INTS4: variants seen among roughly 807,000 people sequenced by gnomAD.
INTS4 encodes MSTP093.
INTS4 carries 70 observed loss-of-function variants against 119.5 expected under a neutral mutation model. That is an observed-to-expected ratio of 0.59 (90% CI 0.48 to 0.71). The LOEUF (loss-of-function observed/expected upper bound fraction) is 0.71, where lower values mean the gene tolerates loss of function less well. Among genes scored for constraint, INTS4 ranks in the 30% least tolerant of loss-of-function variants. The pLI is 0.00. For missense variants in INTS4, 867 were observed against 1,173.2 expected, an observed-to-expected ratio of 0.74 and a Z score of 3.81; for synonymous variants, 316 against 419.6, an observed-to-expected ratio of 0.75 and a Z score of 3.02.
rs909812131 is a variant in INTS4 at position 77,878,928 on chromosome 11, G to C, written c.*21C>G. The C allele has an allele frequency of 1.9e-6, 3 of 1,604,692 alleles. No individual in the cohort carries two copies. Among genetic ancestry groups the C allele is most frequent in the Non-Finnish European group, 2.6e-6 (3 of 1,171,800 alleles). ...CCTAAGAAGGGCCCTCTAGGCCACGGTTGGGAAGACTGTTTTTGCCTTAGC... is the reference window on the plus strand; with the variant it reads ...CCTAAGAAGGGCCCTCTAGGCCACGCTTGGGAAGACTGTTTTTGCCTTAGC... On this transcript the variant is annotated 3_prime_UTR_variant, in exon 23 of 23. Transcript: ENST00000534064.
rs1261756125 is a variant in INTS4 at position 77,901,411 on chromosome 11, C to A, written c.2228+10G>T. On this transcript the variant is annotated intron_variant, in intron 18 of 22. Transcript: ENST00000534064. ...ACATGCCACATATTTTGGCCAACCC[C>A]ACATCTTACCCTCGTGTAGTTCGTG... 6.2e-7 allele frequency: 1 copy of A among 1,613,748 alleles called. No individual in the cohort carries two copies. The highest frequency in any genetic ancestry group is 1.3e-5 in the African/African-American group (1 of 74,918).
At chr11:77,893,415 G>A (rs79900068) in intron 19 of INTS4, among the ~76,000 whole-genome samples, 1 of 152,086 alleles carries the variant, frequency 6.6e-6, no homozygotes, top group Non-Finnish European at 1.5e-5. Flanking sequence ...AGACCAGCCT[G>A]AGCAACACAG....
At chr11:77,884,725 T>C (rs866601916) in intron 21 of INTS4, 34 of 331,846 alleles carry the variant, frequency 1.0e-4, no homozygotes, top group African/African-American at 6.8e-4. Context: ...CCTCAGGTCA[T>C]GGGGCCTCCC....
chr11:77,964,076 T>C (rs986710375), intron 4 of INTS4, among the ~76,000 whole-genome samples: 1 of 152,236 alleles, frequency 6.6e-6, no homozygotes, highest in Non-Finnish European at 1.5e-5. Context: ...ATTTCAGTTG[T>C]GCAGATGCTA....
intron 10 of INTS4, among the ~76,000 whole-genome samples, chr11:77,937,866 C>G (rs1327967682): frequency 7.0e-6 from 1 of 143,546 alleles, no homozygotes; most frequent in East Asian, 2.0e-4. Flanking sequence ...TTTTTTGAGA[C>G]AGAGTTTTGC....
In INTS4 at chr11:77,888,565, T is replaced by G. The variant is rs540485942; in HGVS notation, c.2592+2754A>C. Among the ~76,000 whole-genome samples the G allele has an allele frequency of 3.2e-3, 494 of 152,210 alleles. 1 individual carries two copies. The highest frequency in any genetic ancestry group is 5.0e-3 in the Non-Finnish European group (338 of 68,024). ...AAAGCAATGGCAACAAAGGCCAAAA[T>G]TGAGAAATGGGATCTAATTAAACTA... On this transcript the variant is annotated intron_variant, in intron 21 of 22. Coordinates refer to ENST00000534064, the MANE Select transcript of INTS4 (RefSeq NM_033547.4).
chr11:77,908,947 C>T (rs900801981), intron 15 of INTS4, among the ~76,000 whole-genome samples: 1 of 152,154 alleles, frequency 6.6e-6, no homozygotes, highest in Non-Finnish European at 1.5e-5. Context: ...GGAACATGTC[C>T]CCAAGCCCAA....
intron 14 of INTS4, among the ~76,000 whole-genome samples, chr11:77,920,087 G>A (rs1283102725): frequency 6.6e-6 from 1 of 151,630 alleles, no homozygotes; most frequent in African/African-American, 2.4e-5. Context: ...TAGATTACAG[G>A]TATGAGCCAC....
At chr11:77,978,886 T>C in intron 4 of INTS4, 110 bp downstream of exon 4, 1 of 648,358 alleles carries the variant, frequency 1.5e-6, no homozygotes, top group Non-Finnish European at 2.8e-6. Context: ...TTATTCCTAA[T>C]CCAACACCAA....
At chr11:77,933,939 T>A (rs1032859806) in intron 10 of INTS4, among the ~76,000 whole-genome samples, 4 of 152,084 alleles carry the variant, frequency 2.6e-5, no homozygotes, top group Non-Finnish European at 2.9e-5. Flanking sequence ...ATGGCGGTTT[T>A]GTGGAGTGGA....
At chr11:77,892,042 C>T (rs1236889564) in intron 19 of INTS4, among the ~76,000 whole-genome samples, 1 of 152,166 alleles carries the variant, frequency 6.6e-6, no homozygotes, top group East Asian at 1.9e-4. Context: ...TTATTGATAA[C>T]CATTATGTGC....
At chr11:77,994,503 AG>A in intron 1 of INTS4, 86 bp downstream of exon 1, 5 of 1,025,426 alleles carry the variant, frequency 4.9e-6, no homozygotes. Flanking sequence ...GGGCGTATGG[AG>A]CCTCTTCTGT....
chr11:77,930,932 G>A (rs942842450), intron 10 of INTS4, among the ~76,000 whole-genome samples: 1 of 152,182 alleles, frequency 6.6e-6, no homozygotes, highest in African/African-American at 2.4e-5. Flanking sequence ...CTCAGCATCT[G>A]CACATGTATA....
intron 8 of INTS4, among the ~76,000 whole-genome samples, chr11:77,955,697 T>C (rs1225334047): frequency 2.0e-5 from 3 of 152,108 alleles, no homozygotes; most frequent in Non-Finnish European, 2.9e-5. Context: ...GATTTCACCA[T>C]GTTGGCCAGG....
intron 8 of INTS4, among the ~76,000 whole-genome samples, chr11:77,955,474 G>A (rs1369380145): frequency 6.6e-6 from 1 of 151,976 alleles, no homozygotes; most frequent in Non-Finnish European, 1.5e-5. Flanking sequence ...TGGGTGTAGT[G>A]GCTCACATCT....
chr11:77,927,302 T>C (rs1953532215), intron 11 of INTS4, among the ~76,000 whole-genome samples: 1 of 152,086 alleles, frequency 6.6e-6, no homozygotes, highest in Admixed American at 6.5e-5. Context: ...ATTATAAAGA[T>C]TTATAATTCA....
At chr11:77,974,000 T>G (rs1310246958) in intron 4 of INTS4, among the ~76,000 whole-genome samples, 1 of 152,168 alleles carries the variant, frequency 6.6e-6, no homozygotes, top group Non-Finnish European at 1.5e-5. Flanking sequence ...TGTAAAGAAT[T>G]TGCATTAATT....
rs1212068098 is a variant in INTS4, at chr11:77,956,048, G to A, written c.812C>T (p.Pro271Leu). The change falls in exon 8 of 23, where the codon CCT (proline) becomes CTT (leucine). Residue 271 changes from proline to leucine, a missense_variant. Coordinates refer to ENST00000534064, the MANE Select transcript of INTS4 (RefSeq NM_033547.4). ...QLYPESIVPI[P>L]SSNEEIRLVD... The stretch of plus-strand genomic sequence containing the variant: ...TAAGCGTATTTCTTCATTAGAAGAA[G>A]GAATTGGGACAATGCTAAATTAAAA... The A allele has an allele frequency of 1.9e-6, 3 of 1,601,038 alleles. No homozygotes were observed. Among genetic ancestry groups the A allele is most frequent in the South Asian group, 2.2e-5 (2 of 89,134 alleles).
intron 11 of INTS4, among the ~76,000 whole-genome samples, chr11:77,926,250 C>A (rs1464586654): frequency 6.6e-6 from 1 of 151,556 alleles, no homozygotes; most frequent in African/African-American, 2.4e-5. Context: ...AGCAATGAAG[C>A]CCAGTGACAC....
Sources: gnomAD v4.1 joint callset for allele counts (sites outside exome capture counted in the v4.1 genomes callset) on GRCh38, gnomAD v4.1.1 for gene constraint, MANE v1.5 for transcripts, NCBI Gene and HGNC (gene_info 2026-07-23, HGNC 2026-07-21) for gene names.